The following NRXN3 variants were observed in gnomAD, a reference collection of about 807,000 sequenced individuals.
NRXN3 encodes the protein neurexin III.
NRXN3 carries 32 observed loss-of-function variants against 137.6 expected under a neutral mutation model. The ratio of observed to expected loss-of-function variants is 0.23; its 90% CI spans 0.18 to 0.31. The LOEUF (loss-of-function observed/expected upper bound fraction) is 0.31, where lower values mean the gene tolerates loss of function less well. Among genes scored for constraint, NRXN3 ranks in the 10% least tolerant of loss-of-function variants. The probability of loss-of-function intolerance (pLI) is 1.00; values close to 1 mark genes in which losing one functional copy is unlikely to be tolerated. For synonymous variants in NRXN3, 798 were observed against 784.5 expected, an observed-to-expected ratio of 1.02 and a Z score of -0.29; for missense variants, 1,574 against 2,062.5, an observed-to-expected ratio of 0.76 and a Z score of 4.59.
intron 8 of NRXN3, among the ~76,000 whole-genome samples, chr14:78,776,661 C>G (rs1329226891): frequency 6.6e-6 from 1 of 152,088 alleles, no homozygotes; most frequent in Non-Finnish European, 1.5e-5. Context: ...GGTAAAAATG[C>G]TAGATTGTTG....
intron 4 of NRXN3, among the ~76,000 whole-genome samples, chr14:78,468,940 C>T (rs2095192214): frequency 6.6e-6 from 1 of 151,950 alleles, no homozygotes; most frequent in South Asian, 2.1e-4. Context: ...GATGGTAAAG[C>T]TACTGAGATG....
At position 78,822,710 on chromosome 14, in the gene NRXN3, CAAA is replaced by C. The variant is rs57192355; in HGVS notation, c.2275+12378_2275+12380del. Among the ~76,000 whole-genome samples the C allele has an allele frequency of 3.6e-4, 44 of 122,624 alleles. No homozygotes were observed. The South Asian group carries it at 6.2e-3, about 17-fold the overall frequency. 80.4% of individuals were successfully genotyped at this position (122,624 alleles called of 152,430 possible). ...ACAAACAACCAACAACAAAAACAAA[CAAA>C]AAAAAAAAAAAGAAAAGAAAGAAAT... On this transcript the variant is annotated intron_variant, in intron 10 of 20. Coordinates refer to ENST00000335750, the MANE Select transcript of NRXN3 (RefSeq NM_001330195.2).
intron 10 of NRXN3, among the ~76,000 whole-genome samples, chr14:78,955,167 C>CT (rs1296468804): frequency 6.6e-6 from 1 of 152,136 alleles, no homozygotes; most frequent in Non-Finnish European, 1.5e-5. Context: ...TCTTTCTTCA[C>CT]TTTTTTCTTT....
intron 20 of NRXN3, among the ~76,000 whole-genome samples, chr14:79,823,109 A>G (rs979605171): frequency 6.6e-6 from 1 of 152,150 alleles, no homozygotes; most frequent in Non-Finnish European, 1.5e-5. Flanking sequence ...CCCAGCCAAA[A>G]TAAGGCATGT....
At chr14:79,066,010 T>G (rs1013410276) in intron 15 of NRXN3, among the ~76,000 whole-genome samples, 1 of 152,168 alleles carries the variant, frequency 6.6e-6, no homozygotes, top group Non-Finnish European at 1.5e-5. Flanking sequence ...AGATCCCATT[T>G]GTCAATTTCT....
chr14:78,943,967 A>T (rs1007233484), intron 10 of NRXN3, among the ~76,000 whole-genome samples: 2 of 151,910 alleles, frequency 1.3e-5, no homozygotes, highest in Non-Finnish European at 2.9e-5. Flanking sequence ...GGGGTGTTGA[A>T]GGGTGAGAGG....
At chr14:78,840,680 G>A (rs1472023119) in intron 10 of NRXN3, among the ~76,000 whole-genome samples, 2 of 152,138 alleles carry the variant, frequency 1.3e-5, no homozygotes, top group African/African-American at 4.8e-5. Context: ...AGGAAATCAG[G>A]TGAATTCTGA....
intron 19 of NRXN3, among the ~76,000 whole-genome samples, chr14:79,796,038 G>A (rs2140387223): frequency 6.6e-6 from 1 of 152,228 alleles, no homozygotes; most frequent in South Asian, 2.1e-4. Context: ...ATGAGTATTT[G>A]TGGTGAAAAC....
At position 78,243,761 on chromosome 14, in the gene NRXN3, A is replaced by G; in HGVS notation, c.668A>G (p.Asp223Gly). The change falls in exon 2 of 21, where the codon GAC becomes GGC. Residue 223 changes from aspartate (D) to glycine (G), a missense_variant. Transcript: ENST00000335750. This position sits in a 1 kb window ranked among gnomAD's most constrained non-coding sequence, Gnocchi z 4.2. Reference sequence around the variant, plus strand: ...CTCCTGGACGGCCACCCCACCTGTGACTGTTCTACCACTGGCTATGGTGGC... The same window carrying G: ...CTCCTGGACGGCCACCCCACCTGTGGCTGTTCTACCACTGGCTATGGTGGC... Reference protein sequence around the residue: ...CFLLDGHPTCDCSTTGYGGKL... With the variant: ...CFLLDGHPTCGCSTTGYGGKL... The G allele has an allele frequency of 6.3e-7, 1 of 1,596,266 alleles. No homozygotes were observed. Among genetic ancestry groups the G allele is most frequent in the Non-Finnish European group, 8.5e-7 (1 of 1,178,758 alleles).
chr14:78,888,372 T>A (rs769829125), intron 10 of NRXN3, among the ~76,000 whole-genome samples: 29 of 151,982 alleles, frequency 1.9e-4, no homozygotes, highest in Non-Finnish European at 3.8e-4. Context: ...GGAGTAAGAG[T>A]TGTGAAGGGC....
At chr14:78,302,317 A>T (rs982430297) in intron 4 of NRXN3, among the ~76,000 whole-genome samples, 1 of 152,000 alleles carries the variant, frequency 6.6e-6, no homozygotes, top group Non-Finnish European at 1.5e-5. Context: ...TGACACTTTC[A>T]TGCACCAGCC....
At chr14:79,242,171 C>G (rs779878525) in intron 15 of NRXN3, among the ~76,000 whole-genome samples, 1 of 152,102 alleles carries the variant, frequency 6.6e-6, no homozygotes, top group East Asian at 1.9e-4. Flanking sequence ...AGTCATGTAA[C>G]GTGTATAAGG....
chr14:79,673,068 C>T (rs1468093104), intron 17 of NRXN3, among the ~76,000 whole-genome samples: 3 of 151,976 alleles, frequency 2.0e-5, no homozygotes, highest in Non-Finnish European at 4.4e-5. Flanking sequence ...TATTGCAGCT[C>T]ATCTCAAAGA....
At chr14:78,510,811 T>C (rs2096090022) in intron 4 of NRXN3, among the ~76,000 whole-genome samples, 1 of 152,196 alleles carries the variant, frequency 6.6e-6, no homozygotes. Context: ...GGCCAAGTGC[T>C]ATAGGTACTA....
chr14:78,295,654 A>G (rs993020646), intron 3 of NRXN3, among the ~76,000 whole-genome samples: 1 of 152,162 alleles, frequency 6.6e-6, no homozygotes, highest in African/African-American at 2.4e-5. Context: ...TAAAATTCAG[A>G]TCTGGCCCCC....
chr14:79,499,956 C>CGTGTGTGTGTGT lies in NRXN3; in HGVS notation c.3444+32579_3444+32590dup, dbSNP rs35371414. ...GGTTTTCTGTCAGTTATCTTAGGGTCGTGTGTGTGTGTGTGTGTGTGTGTG... is the reference window on the plus strand; with the variant it reads ...GGTTTTCTGTCAGTTATCTTAGGGTCGTGTGTGTGTGTGTGTGTGTGTGTGTGTGTGTGTGTG... On this transcript the variant is annotated intron_variant, in intron 16 of 20. Coordinates refer to ENST00000335750, the MANE Select transcript of NRXN3 (RefSeq NM_001330195.2). Among the ~76,000 whole-genome samples the CGTGTGTGTGTGT allele has an allele frequency of 2.8e-3, 401 of 145,226 alleles. 7 individuals are homozygous for CGTGTGTGTGTGT. In the South Asian group the frequency reaches 0.037, roughly 13 times the overall value.
chr14:78,898,106 T>A (rs1005119748), intron 10 of NRXN3, among the ~76,000 whole-genome samples: 2 of 151,638 alleles, frequency 1.3e-5, no homozygotes, highest in African/African-American at 4.8e-5. Flanking sequence ...CCCTTCCTTC[T>A]TTTTTAATAA....
chr14:78,880,216 G>A, intron 10 of NRXN3, among the ~76,000 whole-genome samples: 1 of 135,448 alleles, frequency 7.4e-6, no homozygotes. Flanking sequence ...CTCCAGCCTG[G>A]GCGACAGAGC....
At chr14:79,422,565 T>C (rs1350212692) in intron 15 of NRXN3, among the ~76,000 whole-genome samples, 1 of 152,146 alleles carries the variant, frequency 6.6e-6, no homozygotes, top group Non-Finnish European at 1.5e-5. Context: ...TAGAGCCACA[T>C]AAGAAGGTAT....
Sources: gnomAD v4.1 joint callset for allele counts (sites outside exome capture counted in the v4.1 genomes callset) on GRCh38, gnomAD v4.1.1 for gene constraint, Gnocchi (gnomAD v3.1) non-coding constraint, MANE v1.5 for transcripts, NCBI Gene and HGNC (gene_info 2026-07-23, HGNC 2026-07-21) for gene names.